Variants in PSMG1 observed in about 807,000 individuals in gnomAD.
The protein encoded by PSMG1 is proteasome assembly chaperone 1.
PSMG1 carries 23 observed loss-of-function variants against 37.2 expected under a neutral mutation model. The ratio of observed to expected loss-of-function variants is 0.62; its 90% CI spans 0.44 to 0.88. The LOEUF is 0.88. Ranked by LOEUF, PSMG1 falls within the 40% of genes least tolerant of loss-of-function variation. The probability of loss-of-function intolerance (pLI) is 0.00; values close to 1 mark genes in which losing one functional copy is unlikely to be tolerated. For synonymous variants in PSMG1, 127 were observed against 128.0 expected (o/e 0.99, Z 0.05); for missense variants, 340 against 344.2 (o/e 0.99, Z 0.10).
chr21:39,179,370 G>A (rs2030740656), intron 4 of PSMG1, among the ~76,000 whole-genome samples: 1 of 152,090 alleles, frequency 6.6e-6, no homozygotes. Context: ...AGCGACTACA[G>A]GTCTGCCGTC....
Position 39,183,306 on chromosome 21 carries a change from C to CCCT in PSMG1, c.77_79dup (p.Glu26dup), listed in dbSNP as rs768884469. ...CCTGTCCTCGGGCGTCTCCCTCCGC[C>CCCT]CCTCCTCCTCCTCCTCTTCGTCCTC... On this transcript the variant is annotated inframe_insertion, in exon 1 of 7. Transcript: ENST00000331573. The CCCT allele has an allele frequency of 1.6e-5, 25 of 1,582,218 alleles. No individual in the cohort carries two copies. The highest frequency in any genetic ancestry group is 2.0e-5 in the Non-Finnish European group (23 of 1,166,564).
At chr21:39,182,225 G>A (rs1601190326) in intron 1 of PSMG1, among the ~76,000 whole-genome samples, 1 of 152,212 alleles carries the variant, frequency 6.6e-6, no homozygotes, top group East Asian at 1.9e-4. Flanking sequence ...ATGAGAATCT[G>A]ACCAAGCCTC....
chr21:39,175,636 T>C lies in PSMG1; in HGVS notation c.821A>G (p.Lys274Arg), dbSNP rs2030599973. The change falls in exon 7 of 7, where the codon AAG becomes AGG. Residue 274 changes from lysine (K) to arginine (R), a missense_variant. Lys to Arg is a conservative substitution (Grantham distance 26). Coordinates refer to ENST00000331573, the MANE Select transcript of PSMG1 (RefSeq NM_003720.4). ...AATCTCATTTGTTGTCATCAATTTC[T>C]TTAGTATCTCAGTGCTTTGGGGAAT... ...KNIPQSTEIL[K>R]KLMTTNEIQS... 1.3e-6 allele frequency: 2 copies of C among 1,590,242 alleles called. No homozygotes were observed. The highest frequency in any genetic ancestry group is 2.7e-5 in the African/African-American group (2 of 74,326).
rs2030601681 is a variant in PSMG1, at chr21:39,175,692, G to A, written c.793-28C>T. 3.5e-6 allele frequency: 5 copies of A among 1,430,960 alleles called. No individual in the cohort carries two copies. In the East Asian group the frequency reaches 9.1e-5, roughly 26 times the overall value. The allele number at this position is 1,430,960 out of a possible 1,614,324, so 88.6% of individuals were successfully genotyped here. A position where few individuals can be genotyped will look rare whatever the true frequency, so the allele number is the denominator to read the frequency against. The stretch of plus-strand genomic sequence containing the variant: ...GAAAGGAGAGAAAAAAGTGAATACA[G>A]TGAGACCCCAGGGATTCAGGCAGAG... On this transcript the variant is annotated intron_variant, in intron 6 of 6. Transcript: ENST00000331573.
rs117689961 is a variant in PSMG1, at chr21:39,182,594, T to G, written c.134+658A>C. The stretch of plus-strand genomic sequence containing the variant: ...AACGTTTGAGATGTATTCTGAAAAA[T>G]GTAGAGGTGAAAGGCCATGATGACT... On this transcript the variant is annotated intron_variant, in intron 1 of 6. Transcript: ENST00000331573. 5.8e-3 allele frequency among the ~76,000 whole-genome samples: 879 copies of G among 152,130 alleles called. 5 individuals are homozygous for G. The highest frequency in any genetic ancestry group is 9.9e-3 in the Non-Finnish European group (671 of 67,996).
chr21:39,183,342 C>A lies in PSMG1; in HGVS notation c.44G>T (p.Arg15Leu), dbSNP rs1456869014. The A allele has an allele frequency of 6.4e-7, 1 of 1,573,654 alleles. No homozygotes were observed. Residue 15 changes from arginine (R) to leucine (L), a missense_variant, in exon 1 of 7, where the codon CGA becomes CTA. Physicochemically the swap from Arg to Leu is moderately radical, Grantham distance 102 (BLOSUM62 -2). Transcript: ENST00000331573. The part of the protein sequence containing the change: ...FFGEVVKAPC[R>L]AGTEDEEEEE... ...CTCCTCTTCGTCCTCAGTCCCAGCTCGGCACGGCGCCTTCACCACCTCTCC... is the reference window on the plus strand; with the variant it reads ...CTCCTCTTCGTCCTCAGTCCCAGCTAGGCACGGCGCCTTCACCACCTCTCC...
At chr21:39,183,487 C>G, upstream of PSMG1, 1 of 1,376,126 alleles carries the variant, frequency 7.3e-7, no homozygotes, top group Non-Finnish European at 9.6e-7. Flanking sequence ...AAGTCCCGCC[C>G]CGCACAGGCC....
In PSMG1 at chr21:39,180,479, G is replaced by A. The variant is rs199610268; in HGVS notation, c.242-43C>T. On this transcript the variant is annotated intron_variant, in intron 2 of 6. Coordinates refer to ENST00000331573, the MANE Select transcript of PSMG1 (RefSeq NM_003720.4). The stretch of plus-strand genomic sequence containing the variant: ...CATAAGTTAGTGTTTGGCTCTGCAA[G>A]CTATATTTTCTATTCAATAAAAAGT... 1.1e-4 allele frequency: 169 copies of A among 1,515,436 alleles called. 1 individual carries two copies. Among genetic ancestry groups the A allele is most frequent in the Non-Finnish European group, 9.6e-5 (109 of 1,131,596 alleles). The allele number at this position is 1,515,436 out of a possible 1,614,324, so 93.9% of individuals were successfully genotyped here.
Position 39,175,051 on chromosome 21 carries a change from T to C in PSMG1, c.*539A>G, listed in dbSNP as rs1170583394. 6.6e-6 allele frequency: 1 copy of C among 152,346 alleles called. No homozygotes were observed. Among genetic ancestry groups the C allele is most frequent in the African/African-American group, 2.4e-5 (1 of 41,582 alleles). The allele number at this position is 152,346 out of a possible 1,614,324, so 9.4% of individuals were successfully genotyped here. A position where few individuals can be genotyped will look rare whatever the true frequency, so the allele number is the denominator to read the frequency against. The stretch of plus-strand genomic sequence containing the variant: ...CTAAAATATCCAGAAACTTTCCACA[T>C]ATTAAGAATCACCAACAGGTCAATG... On this transcript the variant is annotated 3_prime_UTR_variant, in exon 7 of 7. Transcript: ENST00000331573.
intron 1 of PSMG1, among the ~76,000 whole-genome samples, chr21:39,182,516 A>G (rs1225778703): frequency 2.0e-5 from 3 of 152,214 alleles, no homozygotes; most frequent in Non-Finnish European, 4.4e-5. Flanking sequence ...ATACTGGAAA[A>G]TTAGTATTAG....
chr21:39,182,947 T>C (rs1569144548), intron 1 of PSMG1: 2 of 321,604 alleles, frequency 6.2e-6, no homozygotes, highest in African/African-American at 4.3e-5. Context: ...CCTCCAGAAA[T>C]GCTCCAGAAA....
chr21:39,176,372 T>G (rs1389770438), intron 6 of PSMG1, among the ~76,000 whole-genome samples: 1 of 152,180 alleles, frequency 6.6e-6, no homozygotes, highest in Non-Finnish European at 1.5e-5. Flanking sequence ...CTACACACAG[T>G]CCTACAGCAG....
chr21:39,177,355 A>C (rs987039785), intron 6 of PSMG1, 80 bp downstream of exon 6: 1 of 1,320,200 alleles, frequency 7.6e-7, no homozygotes, highest in Non-Finnish European at 1.0e-6. Flanking sequence ...TTAGGGTTTA[A>C]AATGACAGTA....
chr21:39,177,610 T>C, intron 5 of PSMG1, 39 bp from the exon 6 acceptor site: 2 of 1,439,620 alleles, frequency 1.4e-6, no homozygotes, highest in Non-Finnish European at 9.2e-7. Flanking sequence ...GTAAGTTTTC[T>C]ATTATGTTAC....
chr21:39,180,579 G>GA (rs2030793206), intron 2 of PSMG1, 143 bp from the exon 3 acceptor site: 2 of 762,102 alleles, frequency 2.6e-6, no homozygotes, highest in East Asian at 6.2e-5. Context: ...CCATTATACA[G>GA]AAAAAGAAAC....
chr21:39,175,563 A>G lies in PSMG1; in HGVS notation c.*27T>C, dbSNP rs1295304132. ...CTCCCCTTAAAGGAATGGACAAGTA[A>G]TATACACTACAAAACAATGTTTAAG... is the stretch of plus-strand genomic sequence containing the variant. On this transcript the variant is annotated 3_prime_UTR_variant, in exon 7 of 7. Coordinates refer to ENST00000331573, the MANE Select transcript of PSMG1 (RefSeq NM_003720.4). The G allele has an allele frequency of 6.3e-7, 1 of 1,582,202 alleles. No individual in the cohort carries two copies. The highest frequency in any genetic ancestry group is 1.7e-5 in the Admixed American group (1 of 59,620).
At position 39,175,621 on chromosome 21, in the gene PSMG1, G is replaced by T. The variant is rs2030599447; in HGVS notation, c.836C>A (p.Thr279Lys). The T allele has an allele frequency of 6.3e-7, 1 of 1,594,226 alleles. No individual in the cohort carries two copies. The highest frequency in any genetic ancestry group is 1.1e-5 in the South Asian group (1 of 90,636). Residue 279 changes from threonine (T) to lysine (K), a missense_variant, in exon 7 of 7, where the codon ACA (threonine) becomes AAA (lysine). Coordinates refer to ENST00000331573, the MANE Select transcript of PSMG1 (RefSeq NM_003720.4). ...STEILKKLMT[T>K]NEIQSNIYT Reference sequence around the variant, plus strand: ...ATAAATGTTACTCTGAATCTCATTTGTTGTCATCAATTTCTTTAGTATCTC... The same window carrying T: ...ATAAATGTTACTCTGAATCTCATTTTTTGTCATCAATTTCTTTAGTATCTC...
intron 4 of PSMG1, among the ~76,000 whole-genome samples, chr21:39,179,662 A>G (rs6517521): frequency 0.3 from 45,507 of 151,150 alleles, 7,312 homozygotes; most frequent in Middle Eastern, 0.35. Context: ...GTGACCTACC[A>G]TCCTCAATGC....
intron 3 of PSMG1, 113 bp from the exon 4 acceptor site, chr21:39,180,099 C>G (rs1569142968): frequency 7.9e-7 from 1 of 1,272,944 alleles, no homozygotes; most frequent in Middle Eastern, 1.9e-4. Context: ...ATTTTCCTGG[C>G]TCCACTATTG....
Sources: allele counts gnomAD v4.1 joint callset (sites outside exome capture counted in the v4.1 genomes callset), GRCh38; gene constraint gnomAD v4.1.1; transcripts MANE v1.5; gene names NCBI Gene and HGNC (gene_info 2026-07-23, HGNC 2026-07-21).